FREM2: variants seen among roughly 807,000 people sequenced by gnomAD.
FREM2 encodes the protein FRAS1-related extracellular matrix protein 2.
A neutral mutation model predicts 219.9 loss-of-function variants in FREM2; 119 were observed. The observed-to-expected ratio is 0.54, with a 90% confidence interval of 0.47 to 0.63. The LOEUF is 0.63. FREM2 is among the 30% of genes least tolerant of loss of function. The pLI, the probability that FREM2 is intolerant of heterozygous loss-of-function variation, is 0.00. For synonymous variants in FREM2, 1,562 were observed against 1,522.8 expected, an observed-to-expected ratio of 1.03 and a Z score of -0.60; for missense variants, 4,030 against 3,993.6, an observed-to-expected ratio of 1.01 and a Z score of -0.25.
chr13:38,790,460 G>A, intron 6 of FREM2, among the ~76,000 whole-genome samples: 1 of 152,014 alleles, frequency 6.6e-6, no homozygotes, highest in East Asian at 1.9e-4. Context: ...GTTTGTGAGA[G>A]GAAGGTTTTC....
intron 2 of FREM2, among the ~76,000 whole-genome samples, chr13:38,714,482 T>G (rs1281311302): frequency 6.6e-6 from 1 of 152,156 alleles, no homozygotes; most frequent in Non-Finnish European, 1.5e-5. Context: ...GGAATGTTGG[T>G]GAAAGGATAC....
At chr13:38,816,652 G>T (rs1875779700) in intron 6 of FREM2, among the ~76,000 whole-genome samples, 1 of 149,552 alleles carries the variant, frequency 6.7e-6, no homozygotes, top group Non-Finnish European at 1.5e-5. Flanking sequence ...AGCTTTTCCT[G>T]TAAGGTCAGG....
chr13:38,778,269 A>C (rs1428199026), intron 4 of FREM2, among the ~76,000 whole-genome samples: 1 of 152,136 alleles, frequency 6.6e-6, no homozygotes, highest in Non-Finnish European at 1.5e-5. Flanking sequence ...TTTCTTTCTC[A>C]CAGTTCTGGA....
chr13:38,772,050 T>C (rs9548449), intron 4 of FREM2, among the ~76,000 whole-genome samples: 90,363 of 151,772 alleles, frequency 0.6, 29,430 homozygotes, highest in Non-Finnish European at 0.73. Context: ...TGTTTCCTTT[T>C]GTACTCTCTC....
At chr13:38,845,730 G>T (rs1220913656) in intron 6 of FREM2, among the ~76,000 whole-genome samples, 1 of 152,042 alleles carries the variant, frequency 6.6e-6, no homozygotes, top group Non-Finnish European at 1.5e-5. Flanking sequence ...TCATTGGTCA[G>T]CTGACTGCTA....
chr13:38,872,658 C>T, intron 16 of FREM2, 84 bp from the exon 17 acceptor site: 5 of 1,147,908 alleles, frequency 4.4e-6, no homozygotes, highest in South Asian at 1.3e-5. Flanking sequence ...TTCAGTTAAG[C>T]GAAAAGAGAA....
At chr13:38,796,733 G>T (rs528998269) in intron 6 of FREM2, among the ~76,000 whole-genome samples, 1 of 152,180 alleles carries the variant, frequency 6.6e-6, no homozygotes, top group African/African-American at 2.4e-5. Flanking sequence ...GAACACACAA[G>T]TGCAGGTATT....
At chr13:38,699,351 G>T (rs1175718042) in intron 2 of FREM2, among the ~76,000 whole-genome samples, 1 of 152,050 alleles carries the variant, frequency 6.6e-6, no homozygotes, top group Admixed American at 6.6e-5. Context: ...CCTTACCTGG[G>T]TGGAATGGTA....
chr13:38,878,694 A>G, intron 22 of FREM2, 137 bp from the exon 23 acceptor site: 3 of 934,834 alleles, frequency 3.2e-6, no homozygotes, highest in South Asian at 1.5e-5. Context: ...AAACCAACAA[A>G]ATGATCATTT....
rs755706950 is a variant in FREM2, at chr13:38,691,121, G to C, written c.3777G>C (p.Glu1259Asp). ...VESFTLDQIIESSSIIYEHDD... is the reference protein window; with the variant it reads ...VESFTLDQIIDSSSIIYEHDD... ...GCTTCACCTTGGATCAGATCATAGAGAGTTCCAGCATTATTTATGAGCATG... is the reference window on the plus strand; with the variant it reads ...GCTTCACCTTGGATCAGATCATAGACAGTTCCAGCATTATTTATGAGCATG... Residue 1259 changes from glutamate to aspartate, a missense_variant, in exon 1 of 24, where the codon GAG (glutamate) becomes GAC (aspartate). Transcript: ENST00000280481. The C allele has an allele frequency of 1.2e-6, 2 of 1,614,082 alleles. No individual in the cohort carries two copies. Among genetic ancestry groups the C allele is most frequent in the African/African-American group, 1.3e-5 (1 of 75,002 alleles).
chr13:38,750,779 T>C (rs2496391), intron 2 of FREM2, among the ~76,000 whole-genome samples: 150,996 of 152,260 alleles, frequency 0.99, 74,889 homozygotes, highest in East Asian at 1. Flanking sequence ...CTACAACCTC[T>C]GCCTCTGGGG....
intron 2 of FREM2, among the ~76,000 whole-genome samples, chr13:38,699,829 A>G (rs938180659): frequency 2.0e-5 from 3 of 152,140 alleles, no homozygotes; most frequent in African/African-American, 7.2e-5. Context: ...ATTGCCGTAT[A>G]AATCTTCTGA....
chr13:38,743,380 T>C (rs369869451), intron 2 of FREM2, among the ~76,000 whole-genome samples: 2 of 152,018 alleles, frequency 1.3e-5, no homozygotes, highest in East Asian at 3.8e-4. Context: ...TGCCTCACTC[T>C]GAGCCTATGG....
Position 38,861,634 on chromosome 13 carries a change from C to G in FREM2, c.7651+72C>G. ...CATTACCTGTTGTATTTTCCTTCAT[C>G]TTCTAAATAACCAAGCTTAAATAAA... is the stretch of plus-strand genomic sequence containing the variant. On this transcript the variant is annotated intron_variant, in intron 15 of 23. Coordinates refer to ENST00000280481, the MANE Select transcript of FREM2 (RefSeq NM_207361.6). 4 of 1,521,252 alleles carry G rather than the reference C, an allele frequency of 2.6e-6. No homozygotes were observed. In the South Asian group the frequency reaches 4.5e-5, roughly 17 times the overall value. The allele number at this position is 1,521,252 out of a possible 1,614,324, so 94.2% of individuals were successfully genotyped here. A position where few individuals can be genotyped will look rare whatever the true frequency, so the allele number is the denominator to read the frequency against.
At position 38,769,630 on chromosome 13, in the gene FREM2, A is replaced by C; in HGVS notation, c.5463A>C (p.Lys1821Asn). 6.2e-7 allele frequency: 1 copy of C among 1,614,186 alleles called. No homozygotes were observed. Among genetic ancestry groups the C allele is most frequent in the East Asian group, 2.2e-5 (1 of 44,862 alleles). ...AAAAAGACAAAGACTTCAAGGGCAA[A>C]GCACAGAAACAAGTGCAGTTCAACC... Reference protein sequence around the residue: ...TAEKDKDFKGKAQKQVQFNPG... With the variant: ...TAEKDKDFKGNAQKQVQFNPG... The change falls in exon 4 of 24, where the codon AAA becomes AAC. Residue 1821 changes from lysine to asparagine, a missense_variant. This residue lies in a region of FREM2 where 3,102 missense variants were observed against 2,950.7 expected (regional missense o/e 1.05). Coordinates refer to ENST00000280481, the MANE Select transcript of FREM2 (RefSeq NM_207361.6).
At position 38,872,862 on chromosome 13, in the gene FREM2, C is replaced by G. The variant is rs1232689978; in HGVS notation, c.8104C>G (p.Leu2702Val). The G allele has an allele frequency of 6.2e-7, 1 of 1,614,062 alleles. No homozygotes were observed. The highest frequency in any genetic ancestry group is 1.7e-5 in the Admixed American group (1 of 60,012). ...QHFDLKSELR[L>V]TFVYDTAILW... ...TTTTGACTTGAAGTCAGAGCTTCGT[C>G]TAACTTTTGTGTACGACACCGCCAT... The change falls in exon 17 of 24, where the codon CTA becomes GTA. Residue 2702 changes from leucine to valine, a missense_variant. Around this residue, in one of 2 missense-constraint regions of FREM2, gnomAD observed 928 missense variants for 1,042.9 expected, o/e 0.89. Transcript: ENST00000280481.
At chr13:38,867,016 C>G (rs1877993354) in intron 16 of FREM2, among the ~76,000 whole-genome samples, 1 of 152,170 alleles carries the variant, frequency 6.6e-6, no homozygotes, top group South Asian at 2.1e-4. Context: ...TTTTAAAATT[C>G]CAGTTCCTTT....
intron 2 of FREM2, among the ~76,000 whole-genome samples, chr13:38,739,989 T>G (rs1321270290): frequency 1.3e-5 from 2 of 152,184 alleles, no homozygotes; most frequent in East Asian, 3.9e-4. Context: ...TAATTATCCT[T>G]CAGTTTAGAG....
intron 16 of FREM2, among the ~76,000 whole-genome samples, chr13:38,868,382 C>T (rs1024608723): frequency 6.6e-6 from 1 of 152,184 alleles, no homozygotes; most frequent in Admixed American, 6.5e-5. Flanking sequence ...CTCATTCTAG[C>T]CTCACAACAA....
Sources: gnomAD v4.1 joint callset for allele counts (sites outside exome capture counted in the v4.1 genomes callset) on GRCh38, gnomAD v4.1.1 for gene constraint, gnomAD v4.1.1 regional missense constraint, MANE v1.5 for transcripts, NCBI Gene and HGNC (gene_info 2026-07-23, HGNC 2026-07-21) for gene names.